HYDIN: variants seen among roughly 807,000 people sequenced by gnomAD.
HYDIN encodes HYDIN axonemal central pair apparatus protein.
A neutral mutation model predicts 403.9 loss-of-function variants in HYDIN; 132 were observed. That is an observed-to-expected ratio of 0.33 (90% CI 0.28 to 0.38). The LOEUF (loss-of-function observed/expected upper bound fraction) is 0.38. Among genes scored for constraint, HYDIN ranks in the 10% least tolerant of loss-of-function variants. The pLI, the probability that HYDIN is intolerant of heterozygous loss-of-function variation, is 1.00. For missense variants in HYDIN, 2,827 were observed against 5,009.5 expected (o/e 0.56, Z 13.15); for synonymous variants, 1,202 against 1,891.7 (o/e 0.64, Z 9.46).
chr16:70,842,362 A>G (rs2037886981), intron 75 of HYDIN, among the ~76,000 whole-genome samples: 1 of 151,384 alleles, frequency 6.6e-6, no homozygotes, highest in African/African-American at 2.4e-5. Context: ...GTATTTTGGG[A>G]CTCTGTCGTT....
chr16:70,933,673 T>A (rs2077418087), intron 45 of HYDIN: 1 of 154,814 alleles, frequency 6.5e-6, no homozygotes, highest in Non-Finnish European at 1.5e-5. Flanking sequence ...TGATGGGATC[T>A]ATTCACAGTT....
At chr16:71,014,515 C>A (rs1188235438) in intron 23 of HYDIN, among the ~76,000 whole-genome samples, 1 of 151,764 alleles carries the variant, frequency 6.6e-6, no homozygotes, top group Non-Finnish European at 1.5e-5. Flanking sequence ...CCAGGTCAAC[C>A]ATGATGAGTG....
At chr16:71,031,437 A>G (rs2080906084) in intron 19 of HYDIN, 1 of 1,340,942 alleles carries the variant, frequency 7.5e-7, no homozygotes, top group Non-Finnish European at 9.6e-7. Flanking sequence ...TGCATTTCCT[A>G]CAAACCATAT....
intron 10 of HYDIN, among the ~76,000 whole-genome samples, chr16:71,098,288 G>A (rs1327099337): frequency 3.4e-5 from 5 of 146,808 alleles, no homozygotes; most frequent in East Asian, 2.1e-4. Flanking sequence ...TGCAAGCTCC[G>A]CCTCCCAGGT....
At chr16:71,183,870 C>G (rs750060997) in intron 3 of HYDIN, among the ~76,000 whole-genome samples, 9 of 152,128 alleles carry the variant, frequency 5.9e-5, no homozygotes, top group Non-Finnish European at 1.2e-4. Context: ...TTTCCTCATC[C>G]TTTATAGCAG....
intron 73 of HYDIN, among the ~76,000 whole-genome samples, chr16:70,851,681 A>T (rs2038667966): frequency 1.3e-5 from 2 of 149,742 alleles, no homozygotes; most frequent in African/African-American, 5.0e-5. Context: ...TTCTCTAAGA[A>T]CTTAAAACAG....
At chr16:71,010,487 G>T (rs1435283870) in intron 23 of HYDIN, among the ~76,000 whole-genome samples, 4 of 151,844 alleles carry the variant, frequency 2.6e-5, no homozygotes, top group Non-Finnish European at 5.9e-5. Context: ...ATATGGCCTG[G>T]TATCAACATC....
In HYDIN at chr16:70,928,408, T is replaced by C. The variant is rs2077218322; in HGVS notation, c.7159-7191A>G. Among the ~76,000 whole-genome samples the C allele has an allele frequency of 2.6e-5, 4 of 152,152 alleles. No homozygotes were observed. The South Asian group carries it at 8.3e-4, about 32-fold the overall frequency. On this transcript the variant is annotated intron_variant, in intron 45 of 85. Transcript: ENST00000393567. ...GGGAGATCAAGGCTGCAGTGAGTGG[T>C]GATCACGCCAAGCACTCCAGCACCT...
intron 23 of HYDIN, among the ~76,000 whole-genome samples, chr16:71,004,207 A>T (rs2079816791): frequency 6.6e-6 from 1 of 151,790 alleles, no homozygotes; most frequent in Non-Finnish European, 1.5e-5. Context: ...TCAGCTACTC[A>T]GGAGGCTGAG....
intron 9 of HYDIN, among the ~76,000 whole-genome samples, chr16:71,126,630 C>T (rs2084473424): frequency 6.6e-6 from 1 of 152,060 alleles, no homozygotes; most frequent in Non-Finnish European, 1.5e-5. Context: ...GCCCTGGGAC[C>T]ACAACATGGC....
At chr16:71,202,537 T>C (rs2088073021) in intron 1 of HYDIN, among the ~76,000 whole-genome samples, 2 of 152,172 alleles carry the variant, frequency 1.3e-5, no homozygotes, top group African/African-American at 2.4e-5. Flanking sequence ...GACTTCTTTA[T>C]GAAAGAAATC....
chr16:71,037,151 G>C (rs2081116441), intron 18 of HYDIN, among the ~76,000 whole-genome samples: 1 of 151,012 alleles, frequency 6.6e-6, no homozygotes, highest in African/African-American at 2.4e-5. Context: ...CCGTAGCTCA[G>C]GATATTGACT....
chr16:71,207,433 A>C (rs2088357821), intron 1 of HYDIN, among the ~76,000 whole-genome samples: 1 of 152,236 alleles, frequency 6.6e-6, no homozygotes, highest in South Asian at 2.1e-4. Context: ...AGAAGCAGTC[A>C]ATATAGAAAG....
In HYDIN at chr16:71,180,239, T is replaced by C. The variant is rs2086842555; in HGVS notation, c.262-1192A>G. Reference sequence around the variant, plus strand: ...TTCAGTAAAAAAATAATAAATATTATGTCAATAAATGTGAAAATATAGATA... The same window carrying C: ...TTCAGTAAAAAAATAATAAATATTACGTCAATAAATGTGAAAATATAGATA... On this transcript the variant is annotated intron_variant, in intron 3 of 85. Transcript: ENST00000393567. Among the ~76,000 whole-genome samples the C allele has an allele frequency of 1.3e-5, 2 of 152,148 alleles. 1 individual carries two copies. The highest frequency in any genetic ancestry group is 4.2e-4 in the South Asian group (2 of 4,818).
Position 70,868,650 on chromosome 16 carries a change from C to A in HYDIN, c.11230G>T (p.Asp3744Tyr), listed in dbSNP as rs776296614. The A allele has an allele frequency of 3.7e-6, 6 of 1,613,968 alleles. No individual in the cohort carries two copies. The highest frequency in any genetic ancestry group is 1.7e-5 in the Admixed American group (1 of 59,992). ...MFQLPADQVP[D>Y]WDDRMHTVKW... ...ACTGTGTGCATGCGGTCATCCCAGT[C>A]GGGGACCTGGTCTGCAGGGAGCTGA... is the stretch of plus-strand genomic sequence containing the variant. Residue 3744 changes from aspartate to tyrosine, a missense_variant, in exon 66 of 86, where the codon GAC becomes TAC. Coordinates refer to ENST00000393567, the MANE Select transcript of HYDIN (RefSeq NM_001270974.2).
chr16:70,901,564 A>C (rs2968366), intron 52 of HYDIN, among the ~76,000 whole-genome samples: 88,215 of 146,580 alleles, frequency 0.6, 26,916 homozygotes, highest in Middle Eastern at 0.64. Flanking sequence ...TGGCCATAAT[A>C]CTTAGCATAT....
chr16:71,187,620 A>G (rs543791939), intron 1 of HYDIN, among the ~76,000 whole-genome samples: 2 of 152,242 alleles, frequency 1.3e-5, no homozygotes, highest in South Asian at 2.1e-4. Flanking sequence ...TATTGATAAA[A>G]TATCAAATTA....
intron 20 of HYDIN, chr16:71,027,374 G>A: frequency 7.0e-7 from 1 of 1,421,834 alleles, no homozygotes; most frequent in East Asian, 2.6e-5. Context: ...CTGGGCATGA[G>A]AACCTCCTTT....
At chr16:70,917,022 A>G (rs1000322124) in intron 47 of HYDIN, among the ~76,000 whole-genome samples, 5 of 152,086 alleles carry the variant, frequency 3.3e-5, no homozygotes, top group Non-Finnish European at 7.4e-5. Flanking sequence ...TCCAGGGCTC[A>G]AGCGATCCTC....
Sources: gnomAD v4.1 joint callset for allele counts (sites outside exome capture counted in the v4.1 genomes callset) on GRCh38, gnomAD v4.1.1 for gene constraint, MANE v1.5 for transcripts, NCBI Gene and HGNC (gene_info 2026-07-23, HGNC 2026-07-21) for gene names.